The following ZNF84 variants were observed in gnomAD, a reference collection of about 807,000 sequenced individuals.
ZNF84 encodes the protein zinc finger protein 84, also known as zinc finger protein HPF2.
In ZNF84, 12 loss-of-function variants were observed where a neutral mutation model predicts 14.8. The observed-to-expected ratio is 0.81, with a 90% CI of 0.52 to 1.31. The LOEUF (loss-of-function observed/expected upper bound fraction) is 1.31. ZNF84 is among the 50% of genes most tolerant of loss of function. The pLI is 0.00. For synonymous variants in ZNF84, 347 were observed against 291.1 expected, an observed-to-expected ratio of 1.19 and a Z score of -1.96; for missense variants, 859 against 878.6, an observed-to-expected ratio of 0.98 and a Z score of 0.28.
Position 133,048,745 on chromosome 12 carries a change from C to T in ZNF84, c.143-8C>T, listed in dbSNP as rs1442334659. Reference sequence around the variant, plus strand: ...GGCCCAAGGCCTTTGTGATTTTTCCCTTAACAGGGTATGAAGTTATGAAAC... The same window carrying T: ...GGCCCAAGGCCTTTGTGATTTTTCCTTTAACAGGGTATGAAGTTATGAAAC... On this transcript the variant is annotated splice_polypyrimidine_tract_variant and splice_region_variant and intron_variant, in intron 3 of 4. Transcript: ENST00000539354. 2.5e-6 allele frequency: 4 copies of T among 1,612,606 alleles called. No individual in the cohort carries two copies. Among genetic ancestry groups the T allele is most frequent in the South Asian group, 1.1e-5 (1 of 90,912 alleles).
chr12:133,045,594 G>T (rs922448564), intron 2 of ZNF84, among the ~76,000 whole-genome samples: 7 of 152,136 alleles, frequency 4.6e-5, no homozygotes, highest in Non-Finnish European at 8.8e-5. Flanking sequence ...AGCTATAATT[G>T]TGCCACTGCA....
intron 2 of ZNF84, 56 bp downstream of exon 2, chr12:133,041,538 G>A: frequency 6.4e-7 from 1 of 1,563,420 alleles, no homozygotes; most frequent in Non-Finnish European, 8.8e-7. Flanking sequence ...AAATGTATAA[G>A]CCTTCCGGTG....
At position 133,059,275 on chromosome 12, in the gene ZNF84, G is replaced by T; in HGVS notation, c.*343G>T. 2.7e-6 allele frequency: 1 copy of T among 375,646 alleles called. No individual in the cohort carries two copies. 23.3% of individuals were successfully genotyped at this position (375,646 alleles called of 1,614,324 possible). ...GATGAGGGAAAACCCCATGAATGCG[G>T]GAAATGAGGCAATATTTTTAAGAAA... On this transcript the variant is annotated 3_prime_UTR_variant, in exon 5 of 5. Transcript: ENST00000539354.
At chr12:133,051,837 T>A (rs1388968621) in intron 4 of ZNF84, among the ~76,000 whole-genome samples, 3 of 152,200 alleles carry the variant, frequency 2.0e-5, no homozygotes, top group African/African-American at 7.2e-5. Context: ...CAGGGGCCAG[T>A]CTTGCAAGCA....
rs1485555883 is a variant in ZNF84 at position 133,060,489 on chromosome 12, ACAT to A, written c.*1561_*1563del. 7 of 152,216 alleles carry A rather than the reference ACAT, an allele frequency of 4.6e-5. No homozygotes were observed. Among genetic ancestry groups the A allele is most frequent in the African/African-American group, 1.7e-4 (7 of 41,454 alleles). The allele number at this position is 152,216 out of a possible 1,614,324, so 9.4% of individuals were successfully genotyped here. On this transcript the variant is annotated 3_prime_UTR_variant, in exon 5 of 5. Transcript: ENST00000539354. The stretch of plus-strand genomic sequence containing the variant: ...GCATTTAATACACCCAACTTACCAA[ACAT>A]CATAGCTTAGCGTAGCCTACCTTAA...
chr12:133,051,977 C>A (rs2088685), intron 4 of ZNF84, among the ~76,000 whole-genome samples: 69,930 of 151,810 alleles, frequency 0.46, 16,870 homozygotes, highest in African/African-American at 0.6. Context: ...AGAGCATTAG[C>A]GATATATATT....
intron 4 of ZNF84, among the ~76,000 whole-genome samples, chr12:133,049,973 T>C (rs1480274862): frequency 4.6e-5 from 7 of 152,200 alleles, no homozygotes; most frequent in African/African-American, 1.7e-4. Context: ...ACCACCATAT[T>C]TTATCTCCTA....
At chr12:133,042,441 C>T (rs1480489431) in intron 2 of ZNF84, among the ~76,000 whole-genome samples, 1 of 152,164 alleles carries the variant, frequency 6.6e-6, no homozygotes, top group African/African-American at 2.4e-5. Flanking sequence ...TTGTATTACA[C>T]TATGTTGTCA....
chr12:133,057,474 T>G lies in ZNF84; in HGVS notation c.759T>G (p.His253Gln). 6.2e-7 allele frequency: 1 copy of G among 1,614,216 alleles called. No homozygotes were observed. The highest frequency in any genetic ancestry group is 8.5e-7 in the Non-Finnish European group (1 of 1,180,040). The change falls in exon 5 of 5, where the codon CAT (histidine) becomes CAG (glutamine). Residue 253 changes from histidine (H) to glutamine (Q), a missense_variant. Transcript: ENST00000539354. ...TFPQKSQFIT[H>Q]HRTHTGEKPY... The stretch of plus-strand genomic sequence containing the variant: ...CCCAGAAGTCTCAGTTTATTACACA[T>G]CACAGAACTCATACAGGAGAAAAAC...
chr12:133,040,695 A>G (rs997718172), intron 1 of ZNF84: 64 of 152,196 alleles, frequency 4.2e-4, no homozygotes, highest in African/African-American at 1.3e-3. Flanking sequence ...TAAAACCCCT[A>G]TTTAACCTTG....
At chr12:133,045,689 G>A (rs1239956151) in intron 2 of ZNF84, among the ~76,000 whole-genome samples, 1 of 152,186 alleles carries the variant, frequency 6.6e-6, no homozygotes, top group Non-Finnish European at 1.5e-5. Context: ...TTCCCTTTAA[G>A]TGATGTGATT....
chr12:133,038,924 A>G (rs2137313662), intron 1 of ZNF84: 1 of 152,352 alleles, frequency 6.6e-6, no homozygotes. Flanking sequence ...TGGGAAAAAA[A>G]CAAAAACAGC....
Position 133,048,212 on chromosome 12 carries a change from A to T in ZNF84, c.142+131A>T, listed in dbSNP as rs1455830613. On this transcript the variant is annotated intron_variant, in intron 3 of 4. Coordinates refer to ENST00000539354, the MANE Select transcript of ZNF84 (RefSeq NM_001289971.2). The stretch of plus-strand genomic sequence containing the variant: ...TAATGATTTTAGACCTGAAACTTAG[A>T]TCACAGTTGCTTGGACTATGACACC... 3.7e-6 allele frequency: 3 copies of T among 808,526 alleles called. No homozygotes were observed. The African/African-American group carries it at 5.2e-5, about 14-fold the overall frequency. 50.1% of individuals were successfully genotyped at this position (808,526 alleles called of 1,614,324 possible). A position where few individuals can be genotyped will look rare whatever the true frequency, so the allele number is the denominator to read the frequency against.
At chr12:133,053,614 G>A (rs938420698) in intron 4 of ZNF84, among the ~76,000 whole-genome samples, 5 of 152,012 alleles carry the variant, frequency 3.3e-5, no homozygotes, top group East Asian at 1.9e-4. Flanking sequence ...ATGGTGGCAC[G>A]CACCTGTAGT....
intron 2 of ZNF84, among the ~76,000 whole-genome samples, chr12:133,043,926 ATTT>A (rs61416327): frequency 8.1e-6 from 1 of 124,186 alleles, no homozygotes; most frequent in Non-Finnish European, 1.8e-5. Context: ...TAATTCTTGT[ATTT>A]TTTTTTTTTT....
At chr12:133,049,765 C>T (rs1241126314) in intron 4 of ZNF84, among the ~76,000 whole-genome samples, 2 of 152,160 alleles carry the variant, frequency 1.3e-5, no homozygotes, top group Non-Finnish European at 2.9e-5. Flanking sequence ...AGGTGTGAAC[C>T]ACTGCATATG....
In ZNF84 at chr12:133,062,643, G is replaced by A. The variant is rs1329073681; in HGVS notation, c.*3711G>A. The A allele has an allele frequency of 5.4e-6, 1 of 186,434 alleles. No individual in the cohort carries two copies. The highest frequency in any genetic ancestry group is 1.1e-5 in the Non-Finnish European group (1 of 87,652). The allele number at this position is 186,434 out of a possible 1,614,324, so 11.5% of individuals were successfully genotyped here. ...TCATTTTTCAGTCCATTTTTCACAT[G>A]TATACATAGTGATTATTTTTAAATG... On this transcript the variant is annotated 3_prime_UTR_variant, in exon 5 of 5. Transcript: ENST00000539354.
At chr12:133,053,350 G>T (rs1486436440) in intron 4 of ZNF84, among the ~76,000 whole-genome samples, 2 of 152,158 alleles carry the variant, frequency 1.3e-5, no homozygotes, top group African/African-American at 2.4e-5. Context: ...AAAATAACAT[G>T]AATGTAAGTT....
intron 4 of ZNF84, among the ~76,000 whole-genome samples, chr12:133,056,389 G>A (rs1954158269): frequency 6.6e-6 from 1 of 151,978 alleles, no homozygotes; most frequent in Non-Finnish European, 1.5e-5. Context: ...GAGTAGCTGG[G>A]ACTACAGGCG....
Sources: allele counts gnomAD v4.1 joint callset (sites outside exome capture counted in the v4.1 genomes callset), GRCh38; gene constraint gnomAD v4.1.1; transcripts MANE v1.5; gene names NCBI Gene and HGNC (gene_info 2026-07-23, HGNC 2026-07-21).